The following HSD17B12 variants were observed in gnomAD, a reference collection of about 807,000 sequenced individuals.
The protein encoded by HSD17B12 is very-long-chain 3-oxoacyl-CoA reductase.
Under a neutral mutation model 39.3 loss-of-function variants are expected in HSD17B12, and 32 were observed. The ratio of observed to expected loss-of-function variants is 0.81; its 90% confidence interval spans 0.61 to 1.09. HSD17B12 has a LOEUF of 1.09. Among genes scored for constraint, HSD17B12 ranks in the 50% least tolerant of loss-of-function variants. HSD17B12 has a pLI of 0.00. For synonymous variants in HSD17B12, 150 were observed against 146.7 expected (o/e 1.02, Z -0.16); for missense variants, 342 against 382.9 (o/e 0.89, Z 0.89).
chr11:43,585,458 G>A, the HSD17B12 span, among the ~76,000 whole-genome samples: 6 of 152,284 alleles, frequency 3.9e-5, no homozygotes, highest in South Asian at 8.3e-4. Context: ...AGGGAAACTC[G>A]AGGCTTATGG....
chr11:43,661,919 A>G, the HSD17B12 span, among the ~76,000 whole-genome samples: 1 of 152,256 alleles, frequency 6.6e-6, no homozygotes, highest in Admixed American at 6.5e-5. Flanking sequence ...AGTTGAAAGA[A>G]CAAAAATAAT....
At chr11:43,634,918 T>A in the HSD17B12 span, among the ~76,000 whole-genome samples, 4 of 152,170 alleles carry the variant, frequency 2.6e-5, no homozygotes, top group Non-Finnish European at 4.4e-5. Flanking sequence ...GTGGAAAAAA[T>A]TAGAATATGG....
intron 3 of HSD17B12, among the ~76,000 whole-genome samples, chr11:43,789,818 G>C (rs185728236): frequency 6.6e-6 from 1 of 152,266 alleles, no homozygotes; most frequent in East Asian, 1.9e-4. Flanking sequence ...TGTGGTCCCA[G>C]CTACTTGGGA....
chr11:43,601,983 T>C, the HSD17B12 span, among the ~76,000 whole-genome samples: 1 of 152,186 alleles, frequency 6.6e-6, no homozygotes, highest in Non-Finnish European at 1.5e-5. Context: ...GCTGCCCCTT[T>C]TTGAGCTTAC....
intron 3 of HSD17B12, among the ~76,000 whole-genome samples, chr11:43,758,137 A>T (rs752573953): frequency 2.6e-5 from 4 of 152,218 alleles, no homozygotes; most frequent in Non-Finnish European, 5.9e-5. Context: ...CTAAACATTA[A>T]ATCCTAAATC....
At chr11:43,788,740 T>C (rs1565090057) in intron 3 of HSD17B12, among the ~76,000 whole-genome samples, 3 of 143,580 alleles carry the variant, frequency 2.1e-5, no homozygotes, top group Non-Finnish European at 4.6e-5. Context: ...CCCAGTTTAA[T>C]AACCTCTCCT....
intron 9 of HSD17B12, among the ~76,000 whole-genome samples, chr11:43,844,863 T>A (rs1457081506): frequency 6.6e-6 from 1 of 152,258 alleles, no homozygotes; most frequent in African/African-American, 2.4e-5. Context: ...TGATACCCTT[T>A]GCTTAGATTT....
intron 1 of HSD17B12, among the ~76,000 whole-genome samples, chr11:43,698,804 G>C (rs1249985238): frequency 6.6e-6 from 1 of 152,180 alleles, no homozygotes; most frequent in East Asian, 1.9e-4. Context: ...ATTGCCGTAT[G>C]AGTTGATCAG....
the HSD17B12 span, among the ~76,000 whole-genome samples, chr11:43,635,468 A>G: frequency 6.6e-6 from 1 of 152,264 alleles, no homozygotes; most frequent in Non-Finnish European, 1.5e-5. Context: ...AGAAAAGCAC[A>G]GGAGACATAA....
At chr11:43,579,679 G>T in the HSD17B12 span, among the ~76,000 whole-genome samples, 32 of 152,208 alleles carry the variant, frequency 2.1e-4, no homozygotes, top group Non-Finnish European at 1.3e-4. Context: ...CGGCGGGCGC[G>T]CAGACGCTCG....
rs1317349334 is a variant in HSD17B12 at position 43,800,407 on chromosome 11, G to A, written c.391+1980G>A. On this transcript the variant is annotated intron_variant, in intron 4 of 10. Transcript: ENST00000278353. ...ATTCATCACAGTTGTGTTTAGTTTT[G>A]CATAAACTTTAGTTGCTTTTCATGG... Among the ~76,000 whole-genome samples the A allele has an allele frequency of 3.9e-5, 6 of 152,322 alleles. No homozygotes were observed. The East Asian group carries it at 1.2e-3, about 29-fold the overall frequency.
chr11:43,576,157 G>A, the HSD17B12 span, among the ~76,000 whole-genome samples: 1 of 152,194 alleles, frequency 6.6e-6, no homozygotes, highest in Non-Finnish European at 1.5e-5. Flanking sequence ...GAGACTGCGA[G>A]GAGCTTGCAA....
the HSD17B12 span, among the ~76,000 whole-genome samples, chr11:43,573,399 CCT>C: frequency 6.6e-6 from 1 of 152,130 alleles, no homozygotes; most frequent in Non-Finnish European, 1.5e-5. Flanking sequence ...CTTCCAAGCC[CCT>C]CTCTGTCTTG....
chr11:43,832,347 C>G (rs940105475), intron 7 of HSD17B12, among the ~76,000 whole-genome samples: 2 of 152,276 alleles, frequency 1.3e-5, no homozygotes, highest in South Asian at 2.1e-4. Flanking sequence ...CACTTATAAA[C>G]CACAGAGGTA....
the HSD17B12 span, among the ~76,000 whole-genome samples, chr11:43,563,466 A>G: frequency 6.6e-6 from 1 of 152,160 alleles, no homozygotes; most frequent in Non-Finnish European, 1.5e-5. Context: ...GTTGATGTGA[A>G]TGTGTTAATT....
chr11:43,726,707 A>G (rs1950223139), intron 1 of HSD17B12, among the ~76,000 whole-genome samples: 1 of 152,198 alleles, frequency 6.6e-6, no homozygotes, highest in Non-Finnish European at 1.5e-5. Flanking sequence ...TCTCAAGCAT[A>G]TTTAGGTTGT....
In HSD17B12 at chr11:43,838,326, G is replaced by A. The variant is rs775988662; in HGVS notation, c.546G>A (p.Gly182=). The change falls in exon 8 of 11, where the codon GGG becomes GGA. Residue 182 remains glycine, a synonymous_variant. Transcript: ENST00000278353. ...VLPGMVERSK[G]AILNISSGSG... ...ACATTTTCCTTTTTAGATCCAAAGG[G>A]GCTATTCTGAACATTTCATCTGGCA... The A allele has an allele frequency of 5.6e-6, 9 of 1,612,232 alleles. No homozygotes were observed. The East Asian group carries it at 6.7e-5, about 12-fold the overall frequency.
At chr11:43,736,613 T>C (rs551007920) in intron 1 of HSD17B12, among the ~76,000 whole-genome samples, 1 of 152,348 alleles carries the variant, frequency 6.6e-6, no homozygotes, top group Admixed American at 6.5e-5. Context: ...TATCTGGGTG[T>C]ATGCATAAAC....
the HSD17B12 span, among the ~76,000 whole-genome samples, chr11:43,623,686 G>A: frequency 1.3e-5 from 2 of 151,796 alleles, no homozygotes; most frequent in South Asian, 2.1e-4. Context: ...ATAAAAACCC[G>A]AGGGAAAAAA....
Sources: allele counts gnomAD v4.1 joint callset (sites outside exome capture counted in the v4.1 genomes callset), GRCh38; gene constraint gnomAD v4.1.1; transcripts MANE v1.5; gene names NCBI Gene and HGNC (gene_info 2026-07-23, HGNC 2026-07-21).